AKAP12: variants seen among roughly 807,000 people sequenced by gnomAD.
AKAP12 encodes the protein A-kinase anchor protein 12.
AKAP12 carries 32 observed loss-of-function variants against 79.9 expected under a neutral mutation model. The observed-to-expected ratio is 0.40, with a 90% CI of 0.30 to 0.54. The LOEUF is 0.54. Ranked by LOEUF, AKAP12 falls within the 20% of genes least tolerant of loss-of-function variation. The pLI is 0.48. For synonymous variants in AKAP12, 808 were observed against 857.0 expected (o/e 0.94, Z 1.00); for missense variants, 2,074 against 2,177.0 (o/e 0.95, Z 0.94).
At chr6:151,341,212 C>T (rs1325830749) in intron 3 of AKAP12, among the ~76,000 whole-genome samples, 5 of 151,956 alleles carry the variant, frequency 3.3e-5, no homozygotes, top group Admixed American at 3.3e-4. Flanking sequence ...CCACCACGCC[C>T]GGCTAATTTG....
chr6:151,326,489 T>TAAAAAAAAAAAAAAAAA (rs746340831), intron 3 of AKAP12, among the ~76,000 whole-genome samples: 1 of 80,308 alleles, frequency 1.2e-5, no homozygotes. Flanking sequence ...CAACAAATAG[T>TAAAAAAAAAAAAAAAAA]AAAAAAAAAA....
At chr6:151,305,087 C>G (rs537930354) in intron 2 of AKAP12, among the ~76,000 whole-genome samples, 2 of 152,304 alleles carry the variant, frequency 1.3e-5, no homozygotes, top group Non-Finnish European at 2.9e-5. Context: ...TCTTACACAG[C>G]CCTTGCCTGT....
chr6:151,310,105 G>A (rs1329465310), intron 3 of AKAP12, among the ~76,000 whole-genome samples: 2 of 152,132 alleles, frequency 1.3e-5, no homozygotes, highest in Non-Finnish European at 2.9e-5. Context: ...GCTCACACCT[G>A]TAATCCCAGC....
intron 2 of AKAP12, among the ~76,000 whole-genome samples, chr6:151,260,762 A>AGAG (rs1797410946): frequency 6.7e-6 from 1 of 149,172 alleles, no homozygotes. Context: ...GGAGGCCCCC[A>AGAG]GTGGGCGGAT....
chr6:151,282,145 G>A (rs1015612155), intron 2 of AKAP12, among the ~76,000 whole-genome samples: 1 of 151,920 alleles, frequency 6.6e-6, no homozygotes, highest in Non-Finnish European at 1.5e-5. Context: ...ATGCAGTGGT[G>A]CTATCTCGGC....
At chr6:151,268,278 G>C (rs1333523596) in intron 2 of AKAP12, among the ~76,000 whole-genome samples, 2 of 152,116 alleles carry the variant, frequency 1.3e-5, no homozygotes, top group Non-Finnish European at 2.9e-5. Flanking sequence ...TTAGCCAGGC[G>C]TGGTGGCACG....
At chr6:151,335,617 T>C (rs560517478) in intron 3 of AKAP12, among the ~76,000 whole-genome samples, 3 of 152,162 alleles carry the variant, frequency 2.0e-5, no homozygotes, top group Admixed American at 6.6e-5. Context: ...GATTATAAGA[T>C]GCACCACCAC....
At chr6:151,344,968 T>C (rs1393340690) in intron 3 of AKAP12, among the ~76,000 whole-genome samples, 2 of 152,222 alleles carry the variant, frequency 1.3e-5, no homozygotes, top group Non-Finnish European at 2.9e-5. Context: ...AATAAGATTA[T>C]ATAATTGGAA....
At chr6:151,327,372 A>G (rs1406730370) in intron 3 of AKAP12, among the ~76,000 whole-genome samples, 4 of 152,194 alleles carry the variant, frequency 2.6e-5, no homozygotes, top group Non-Finnish European at 5.9e-5. Flanking sequence ...TCTCGAAACT[A>G]TTAATAAATA....
At chr6:151,287,065 G>A (rs905068219) in intron 2 of AKAP12, among the ~76,000 whole-genome samples, 8 of 151,112 alleles carry the variant, frequency 5.3e-5, no homozygotes, top group Admixed American at 1.3e-4. Flanking sequence ...TCAGCCTCCC[G>A]AGAAGCTGGG....
chr6:151,335,503 G>A (rs1777788429), intron 3 of AKAP12, among the ~76,000 whole-genome samples: 1 of 151,792 alleles, frequency 6.6e-6, no homozygotes, highest in South Asian at 2.1e-4. Flanking sequence ...TTTTTGAGAT[G>A]GAGACTCACT....
At position 151,350,947 on chromosome 6, in the gene AKAP12, T is replaced by C. The variant is rs781614492; in HGVS notation, c.2556T>C (p.Tyr852=). 10 of 1,613,898 alleles carry C rather than the reference T, an allele frequency of 6.2e-6. No homozygotes were observed. In the South Asian group the frequency reaches 8.8e-5, roughly 14 times the overall value. Reference sequence around the variant, plus strand: ...CGGCCGTGGTCCCTCTGTCTGAGTATGATGCTGTAGAAAGGGAGAAAATGG... The same window carrying C: ...CGGCCGTGGTCCCTCTGTCTGAGTACGATGCTGTAGAAAGGGAGAAAATGG... The part of the protein sequence containing the change: ...DVPAVVPLSE[Y]DAVEREKMEA... The change falls in exon 4 of 5, where the codon TAT becomes TAC. Residue 852 remains tyrosine, a synonymous_variant. Transcript: ENST00000402676. The surrounding 1 kb of genome is among the most constrained non-coding windows in gnomAD (Gnocchi z 4.8).
intron 2 of AKAP12, among the ~76,000 whole-genome samples, chr6:151,278,822 C>G (rs186556806): frequency 9.2e-5 from 14 of 152,210 alleles, no homozygotes; most frequent in African/African-American, 3.1e-4. Flanking sequence ...CACCTGCCAC[C>G]ATGCCCGGCT....
intron 2 of AKAP12, among the ~76,000 whole-genome samples, chr6:151,268,737 G>C (rs1245908405): frequency 6.6e-6 from 1 of 152,048 alleles, no homozygotes; most frequent in Non-Finnish European, 1.5e-5. Flanking sequence ...CTGCCTCCTG[G>C]GTTCAAGTGA....
At chr6:151,265,983 A>C (rs1245580071) in intron 2 of AKAP12, among the ~76,000 whole-genome samples, 1 of 151,964 alleles carries the variant, frequency 6.6e-6, no homozygotes, top group Non-Finnish European at 1.5e-5. Flanking sequence ...GATTTGGGGG[A>C]CTGGACTGAT....
At chr6:151,260,680 C>T (rs557120049) in intron 2 of AKAP12, among the ~76,000 whole-genome samples, 9 of 152,258 alleles carry the variant, frequency 5.9e-5, no homozygotes, top group African/African-American at 2.2e-4. Context: ...ACGTCTGAAA[C>T]GAGAATTGAT....
intron 3 of AKAP12, among the ~76,000 whole-genome samples, chr6:151,306,413 A>AG (rs1776979420): frequency 6.6e-6 from 1 of 152,178 alleles, no homozygotes; most frequent in South Asian, 2.1e-4. Flanking sequence ...TTACCCATAT[A>AG]GGGGGTGAGG....
At chr6:151,348,016 A>G (rs1442336583) in intron 3 of AKAP12, among the ~76,000 whole-genome samples, 1 of 102,362 alleles carries the variant, frequency 9.8e-6, no homozygotes, top group Admixed American at 9.9e-5. Context: ...TACTAAAAAT[A>G]CAAAAAAAAA....
chr6:151,263,284 C>T (rs1260907793), intron 2 of AKAP12, among the ~76,000 whole-genome samples: 1 of 152,026 alleles, frequency 6.6e-6, no homozygotes, highest in Non-Finnish European at 1.5e-5. Flanking sequence ...ATCCCCCTGC[C>T]TTGGCCTCCC....
Sources: gnomAD v4.1 joint callset for allele counts (sites outside exome capture counted in the v4.1 genomes callset) on GRCh38, gnomAD v4.1.1 for gene constraint, Gnocchi (gnomAD v3.1) non-coding constraint, MANE v1.5 for transcripts, NCBI Gene and HGNC (gene_info 2026-07-23, HGNC 2026-07-21) for gene names.